Variants in CDC42BPA observed in about 807,000 individuals in gnomAD.
CDC42BPA encodes CDC42 binding protein kinase alpha.
CDC42BPA carries 80 observed loss-of-function variants against 223.5 expected under a neutral mutation model. The observed-to-expected ratio is 0.36, with a 90% CI of 0.30 to 0.43. The LOEUF is 0.43. Among genes scored for constraint, CDC42BPA ranks in the 20% least tolerant of loss-of-function variants. CDC42BPA has a pLI of 1.00. For missense variants in CDC42BPA, 1,743 were observed against 2,099.9 expected (o/e 0.83, Z 3.32); for synonymous variants, 694 against 718.6 (o/e 0.97, Z 0.55).
chr1:227,235,598 T>C (rs1042863829), intron 2 of CDC42BPA, among the ~76,000 whole-genome samples: 3 of 151,698 alleles, frequency 2.0e-5, no homozygotes, highest in Admixed American at 6.5e-5. Flanking sequence ...GGGGGTTAGA[T>C]AGAGTTCCCT....
intron 5 of CDC42BPA, among the ~76,000 whole-genome samples, chr1:227,175,881 TCAA>T (rs1666869009): frequency 6.6e-6 from 1 of 152,188 alleles, no homozygotes. Context: ...CGATAATCTG[TCAA>T]TAGGGATGCT....
rs1279549687 is a variant in CDC42BPA at position 227,213,184 on chromosome 1, C to T, written c.306G>A (p.Val102=). The T allele has an allele frequency of 2.5e-6, 4 of 1,573,292 alleles. No individual in the cohort carries two copies. Among genetic ancestry groups the T allele is most frequent in the East Asian group, 4.5e-5 (2 of 44,050 alleles). ...AVVKLKNADK[V]FAMKILNKWE... is the part of the protein sequence containing the mutation. ...ATTTATTCAATATTTTCATGGCAAA[C>T]ACTTTATCTGCATTTTTTAGTTTTA... The change falls in exon 3 of 37, where the codon GTG becomes GTA. Residue 102 remains valine (V), a synonymous_variant. Coordinates refer to ENST00000366766, the MANE Select transcript of CDC42BPA (RefSeq NM_001394014.1).
At chr1:227,251,780 G>C (rs1264642275) in intron 2 of CDC42BPA, among the ~76,000 whole-genome samples, 1 of 152,042 alleles carries the variant, frequency 6.6e-6, no homozygotes, top group Non-Finnish European at 1.5e-5. Context: ...ACAAGATTTT[G>C]AACTTGACCT....
At chr1:227,161,946 T>C (rs12119448) in intron 5 of CDC42BPA, among the ~76,000 whole-genome samples, 16,972 of 152,218 alleles carry the variant, frequency 0.11, 1,208 homozygotes, top group South Asian at 0.21. Flanking sequence ...TTCTAACCTG[T>C]TGAAAAAGAT....
intron 1 of CDC42BPA, among the ~76,000 whole-genome samples, chr1:227,280,707 CAAAA>C (rs928854421): frequency 6.6e-6 from 1 of 151,870 alleles, no homozygotes; most frequent in Non-Finnish European, 1.5e-5. Context: ...TATATTTTAA[CAAAA>C]AAAATCTGAT....
intron 35 of CDC42BPA, among the ~76,000 whole-genome samples, chr1:226,998,669 TA>T (rs1178671449): frequency 6.6e-6 from 1 of 152,140 alleles, no homozygotes; most frequent in Admixed American, 6.6e-5. Flanking sequence ...GATTTAAACA[TA>T]AGATCTAAAA....
At chr1:227,280,121 G>T (rs1288739285) in intron 1 of CDC42BPA, among the ~76,000 whole-genome samples, 3 of 152,064 alleles carry the variant, frequency 2.0e-5, no homozygotes, top group African/African-American at 7.2e-5. Context: ...TATAAAAAAA[G>T]ACTTATTTTC....
Position 227,119,882 on chromosome 1 carries a change from T to C in CDC42BPA, c.1569A>G (p.Leu523=), listed in dbSNP as rs747432755. The C allele has an allele frequency of 3.1e-6, 5 of 1,604,104 alleles. 1 individual carries two copies. In the South Asian group the frequency reaches 5.6e-5, roughly 18 times the overall value. The change falls in exon 12 of 37, where the codon CTA becomes CTG. Residue 523 remains leucine (L), a synonymous_variant. Coordinates refer to ENST00000366766, the MANE Select transcript of CDC42BPA (RefSeq NM_001394014.1). ...LEEANAVRQE[L]DDAFRQIKAY... is the part of the protein sequence containing the mutation. The stretch of plus-strand genomic sequence containing the variant: ...CCTTGATTTGTCTAAAAGCATCATC[T>C]AGTTCTTGCCTCACAGCATTAGCTT...
Position 227,213,117 on chromosome 1 carries a change from C to T in CDC42BPA, c.354+19G>A, listed in dbSNP as rs771507255. On this transcript the variant is annotated intron_variant, in intron 3 of 36. Transcript: ENST00000366766. The stretch of plus-strand genomic sequence containing the variant: ...ATATTTCTAAAATATTTATATATTC[C>T]AATACATAAGACTCTTACCTCAGCT... 12 of 1,160,564 alleles carry T rather than the reference C, an allele frequency of 1.0e-5. No homozygotes were observed. Among genetic ancestry groups the T allele is most frequent in the Middle Eastern group, 2.1e-4 (1 of 4,746 alleles). The allele number at this position is 1,160,564 out of a possible 1,614,324, so 71.9% of individuals were successfully genotyped here. A position where few individuals can be genotyped will look rare whatever the true frequency, so the allele number is the denominator to read the frequency against.
chr1:227,016,607 G>A (rs866909495), intron 33 of CDC42BPA, among the ~76,000 whole-genome samples: 17 of 152,078 alleles, frequency 1.1e-4, no homozygotes, highest in Non-Finnish European at 2.9e-5. Context: ...GACATATACA[G>A]GTTTACTGTA....
intron 19 of CDC42BPA, 115 bp from the exon 20 acceptor site, chr1:227,072,414 A>G (rs1350313448): frequency 6.5e-6 from 4 of 611,782 alleles, no homozygotes; most frequent in Non-Finnish European, 1.2e-5. Flanking sequence ...AAATTAGGGG[A>G]CTATAAATTA....
chr1:227,297,373 T>C (rs963815608), intron 1 of CDC42BPA, among the ~76,000 whole-genome samples: 1 of 152,198 alleles, frequency 6.6e-6, no homozygotes, highest in Non-Finnish European at 1.5e-5. Context: ...AAAAACAGTT[T>C]GGCAGTTCCT....
chr1:227,247,746 G>A lies in CDC42BPA; in HGVS notation c.270+6318C>T, dbSNP rs1182766993. On this transcript the variant is annotated intron_variant, in intron 2 of 36. Coordinates refer to ENST00000366766, the MANE Select transcript of CDC42BPA (RefSeq NM_001394014.1). ...TTAAAAATACAAAAATTAGCCAGGC[G>A]TGGTATGCACCTGTAGTCCCAGCTA... is the stretch of plus-strand genomic sequence containing the variant. Among the ~76,000 whole-genome samples the A allele has an allele frequency of 3.3e-5, 5 of 151,734 alleles. No individual in the cohort carries two copies. In the South Asian group the frequency reaches 8.3e-4, roughly 25 times the overall value.
intron 1 of CDC42BPA, among the ~76,000 whole-genome samples, chr1:227,292,381 CTA>C (rs1443538911): frequency 2.6e-5 from 4 of 152,166 alleles, no homozygotes; most frequent in Non-Finnish European, 4.4e-5. Flanking sequence ...ATATTTACCT[CTA>C]GAGACATAAG....
At chr1:227,255,959 T>A (rs1430466325) in intron 1 of CDC42BPA, among the ~76,000 whole-genome samples, 1 of 151,974 alleles carries the variant, frequency 6.6e-6, no homozygotes, top group Non-Finnish European at 1.5e-5. Flanking sequence ...ATCCTAAAAT[T>A]CATATGGAGA....
intron 6 of CDC42BPA, among the ~76,000 whole-genome samples, chr1:227,152,258 G>A (rs900075376): frequency 3.3e-5 from 5 of 151,604 alleles, no homozygotes; most frequent in African/African-American, 9.7e-5. Context: ...TTTTTCTTTC[G>A]TTGCCTGTAA....
intron 4 of CDC42BPA, among the ~76,000 whole-genome samples, chr1:227,196,748 A>T (rs976091022): frequency 2.0e-5 from 3 of 152,240 alleles, no homozygotes; most frequent in Non-Finnish European, 4.4e-5. Context: ...ATTAATTTAA[A>T]ATTCAAGTAT....
At chr1:227,096,667 T>G (rs972526195) in intron 15 of CDC42BPA, among the ~76,000 whole-genome samples, 4 of 152,230 alleles carry the variant, frequency 2.6e-5, no homozygotes, top group African/African-American at 9.6e-5. Context: ...TCTCCTAGTT[T>G]TAGTCTACAT....
chr1:227,080,659 A>T (rs1206640111), intron 17 of CDC42BPA, among the ~76,000 whole-genome samples: 1 of 152,198 alleles, frequency 6.6e-6, no homozygotes, highest in Non-Finnish European at 1.5e-5. Context: ...GATTTCAATG[A>T]AGCTGTGTTA....
Sources: allele counts gnomAD v4.1 joint callset (sites outside exome capture counted in the v4.1 genomes callset), GRCh38; gene constraint gnomAD v4.1.1; transcripts MANE v1.5; gene names NCBI Gene and HGNC (gene_info 2026-07-23, HGNC 2026-07-21).